CNIH3: variants seen among roughly 807,000 people sequenced by gnomAD.
The protein encoded by CNIH3 is protein cornichon homolog 3.
Under a neutral mutation model 24.1 loss-of-function variants are expected in CNIH3, and 14 were observed. The observed-to-expected ratio is 0.58, with a 90% CI of 0.38 to 0.91. The LOEUF (loss-of-function observed/expected upper bound fraction) is 0.91. Among genes scored for constraint, CNIH3 ranks in the 40% least tolerant of loss-of-function variants. The pLI is 0.00. For synonymous variants in CNIH3, 68 were observed against 73.8 expected (o/e 0.92, Z 0.40); for missense variants, 178 against 196.8 (o/e 0.90, Z 0.57).
At chr1:224,508,136 T>C (rs1677993472) in intron 1 of CNIH3, among the ~76,000 whole-genome samples, 1 of 152,248 alleles carries the variant, frequency 6.6e-6, no homozygotes, top group African/African-American at 2.4e-5. Flanking sequence ...TGGCAATAGA[T>C]AAATTTATAA....
chr1:224,590,462 TG>T (rs1681704388), downstream of CNIH3, among the ~76,000 whole-genome samples: 1 of 152,194 alleles, frequency 6.6e-6, no homozygotes, highest in South Asian at 2.1e-4. Context: ...TACCTGAGAC[TG>T]GGTAATTTAT....
chr1:224,536,284 CTTTTTTTTTTTT>C (rs373201561), intron 2 of CNIH3, among the ~76,000 whole-genome samples: 5 of 86,088 alleles, frequency 5.8e-5, no homozygotes, highest in Admixed American at 5.6e-4. Flanking sequence ...TAATTGTTGT[CTTTTTTTTTTTT>C]TTTTTTTTTT....
intron 1 of CNIH3, among the ~76,000 whole-genome samples, chr1:224,678,471 A>T (rs1686243675): frequency 6.6e-6 from 1 of 152,210 alleles, no homozygotes; most frequent in Non-Finnish European, 1.5e-5. Flanking sequence ...TACACACTTT[A>T]GAATGGACAT....
intron 3 of CNIH3, among the ~76,000 whole-genome samples, chr1:224,597,045 G>C (rs1324544105): frequency 6.6e-6 from 1 of 152,052 alleles, no homozygotes; most frequent in Non-Finnish European, 1.5e-5. Context: ...CCAGCTACTT[G>C]GGATGCTGAC....
At chr1:224,518,096 GTA>G (rs1678470314) in intron 1 of CNIH3, among the ~76,000 whole-genome samples, 1 of 152,138 alleles carries the variant, frequency 6.6e-6, no homozygotes, top group Non-Finnish European at 1.5e-5. Context: ...TAAGGTTTAT[GTA>G]CCTTAGAGAT....
rs761849037 is a variant in CNIH3 at position 224,524,083 on chromosome 1, T to G, written n.343+2756T>G. On this transcript the variant is annotated intron_variant and non_coding_transcript_variant, in intron 2 of 2. Transcript: ENST00000470602. ...TTGCTTTGCCAGAAAACTCCCAGCA[T>G]GATTAAAAAGGGCCTCTGGTCAGCC... Among the ~76,000 whole-genome samples the G allele has an allele frequency of 4.9e-4, 74 of 152,196 alleles. 4 individuals are homozygous for G. The highest frequency in any genetic ancestry group is 2.9e-4 in the Non-Finnish European group (20 of 68,028).
At chr1:224,496,038 A>C (rs1474454721) in intron 1 of CNIH3, among the ~76,000 whole-genome samples, 1 of 152,018 alleles carries the variant, frequency 6.6e-6, no homozygotes, top group African/African-American at 2.4e-5. Flanking sequence ...GGAAGTGAAA[A>C]ATTATTCAAG....
In CNIH3 at chr1:224,479,977, C is replaced by T. The variant is rs374149014; in HGVS notation, n.204-35764C>T. On this transcript the variant is annotated intron_variant and non_coding_transcript_variant, in intron 1 of 5. Coordinates refer to the CNIH3 transcript ENST00000471578. ...CAGTAGAGACTCTGTGTGGGGGCTT[C>T]GACCCCACATTTCCCTTCTGCACTG... Among the ~76,000 whole-genome samples the T allele has an allele frequency of 3.3e-5, 5 of 152,268 alleles. No individual in the cohort carries two copies. The South Asian group carries it at 6.2e-4, about 19-fold the overall frequency.
intron 3 of CNIH3, among the ~76,000 whole-genome samples, chr1:224,692,348 T>A (rs936568016): frequency 6.6e-6 from 1 of 152,180 alleles, no homozygotes; most frequent in African/African-American, 2.4e-5. Context: ...CTTTTTTCTC[T>A]AATTACTGGC....
intron 3 of CNIH3, among the ~76,000 whole-genome samples, chr1:224,717,092 G>T (rs1572796761): frequency 6.6e-6 from 1 of 152,222 alleles, no homozygotes. Flanking sequence ...AGCAGTAGGA[G>T]GAAGCTCCAG....
chr1:224,469,441 G>T (rs1208357032), intron 1 of CNIH3, among the ~76,000 whole-genome samples: 2 of 152,064 alleles, frequency 1.3e-5, no homozygotes, highest in African/African-American at 4.8e-5. Context: ...TTCAAATATT[G>T]AACTGGCCTT....
At chr1:224,627,091 G>A (rs866269964) in intron 1 of CNIH3, among the ~76,000 whole-genome samples, 2 of 152,170 alleles carry the variant, frequency 1.3e-5, no homozygotes, top group South Asian at 2.1e-4. Context: ...GTGTTCACGG[G>A]ACTTAGGAGG....
intron 4 of CNIH3, among the ~76,000 whole-genome samples, chr1:224,569,213 C>G (rs1327303413): frequency 6.6e-6 from 1 of 152,132 alleles, no homozygotes; most frequent in Non-Finnish European, 1.5e-5. Context: ...TTGCTATATT[C>G]CAAAACGACA....
At chr1:224,625,637 C>G (rs1218922459) in intron 1 of CNIH3, among the ~76,000 whole-genome samples, 1 of 152,200 alleles carries the variant, frequency 6.6e-6, no homozygotes, top group Non-Finnish European at 1.5e-5. Flanking sequence ...GTAAGGGAGG[C>G]TAACTGAGCT....
intron 3 of CNIH3, among the ~76,000 whole-genome samples, chr1:224,601,600 A>AG (rs113770047): frequency 0.023 from 3,511 of 152,198 alleles, 144 homozygotes; most frequent in African/African-American, 0.08. Context: ...TTCCTAGTGT[A>AG]GGGGGGTCAT....
At chr1:224,633,685 G>T (rs1683940746) in intron 1 of CNIH3, among the ~76,000 whole-genome samples, 1 of 152,138 alleles carries the variant, frequency 6.6e-6, no homozygotes, top group African/African-American at 2.4e-5. Flanking sequence ...AGTATGGCAG[G>T]GTCTCCAGGC....
rs564919871 is a variant in CNIH3, at chr1:224,491,392, TA to T, written n.204-24346del. Among the ~76,000 whole-genome samples the T allele has an allele frequency of 3.5e-3, 540 of 152,330 alleles. 2 individuals carry two copies. The highest frequency in any genetic ancestry group is 0.034 in the Middle Eastern group (10 of 294). ...ATACTGGCTTGCAAGAACTGATTGT[TA>T]AATTTGTAGGAATTTTGTAAGCTGC... is the stretch of plus-strand genomic sequence containing the variant. On this transcript the variant is annotated intron_variant and non_coding_transcript_variant, in intron 1 of 5. Transcript: ENST00000471578.
intron 3 of CNIH3, among the ~76,000 whole-genome samples, chr1:224,708,592 C>A (rs1401308815): frequency 6.6e-6 from 1 of 152,192 alleles, no homozygotes; most frequent in Non-Finnish European, 1.5e-5. Flanking sequence ...GATTGAAGGT[C>A]ACCAATGACG....
chr1:224,503,037 G>A (rs1250954921), intron 1 of CNIH3, among the ~76,000 whole-genome samples: 1 of 151,704 alleles, frequency 6.6e-6, no homozygotes, highest in Non-Finnish European at 1.5e-5. Flanking sequence ...CAGCTCTCCC[G>A]GGGAGGGAGG....
Sources: allele counts gnomAD v4.1 joint callset (sites outside exome capture counted in the v4.1 genomes callset), GRCh38; gene constraint gnomAD v4.1.1; transcripts MANE v1.5; gene names NCBI Gene and HGNC (gene_info 2026-07-23, HGNC 2026-07-21).